FGGY: variants seen among roughly 807,000 people sequenced by gnomAD.
FGGY encodes FGGY carbohydrate kinase domain containing.
A neutral mutation model predicts 71.3 loss-of-function variants in FGGY; 72 were observed. The ratio of observed to expected loss-of-function variants is 1.01; its 90% CI spans 0.84 to 1.23. The LOEUF is 1.23. Among genes scored for constraint, FGGY ranks in the 50% most tolerant of loss-of-function variants. The pLI, the probability that FGGY is intolerant of heterozygous loss-of-function variation, is 0.00. For missense variants in FGGY, 668 were observed against 682.3 expected, an observed-to-expected ratio of 0.98 and a Z score of 0.23; for synonymous variants, 251 against 250.3, an observed-to-expected ratio of 1.00 and a Z score of -0.02.
Position 59,714,544 on chromosome 1 carries a change from T to C in FGGY, c.1512+40411T>C, listed in dbSNP as rs141424979. Among the ~76,000 whole-genome samples, 646 of 152,330 alleles carry C rather than the reference T, an allele frequency of 4.2e-3. 11 individuals are homozygous for C. Among genetic ancestry groups the C allele is most frequent in the African/African-American group, 0.015 (618 of 41,582 alleles). ...TGTCTTTGGGGGATTATAGCCTAAA[T>C]GGTTTTACTCTGGCACATGTGGAAT... On this transcript the variant is annotated intron_variant, in intron 14 of 15. Coordinates refer to ENST00000303721, the MANE Select transcript of FGGY (RefSeq NM_018291.5).
intron 3 of FGGY, among the ~76,000 whole-genome samples, chr1:59,342,172 A>T (rs1348727750): frequency 1.3e-5 from 2 of 152,168 alleles, no homozygotes; most frequent in African/African-American, 4.8e-5. Flanking sequence ...CTTTTTAAAA[A>T]TTGCCAATTC....
intron 8 of FGGY, among the ~76,000 whole-genome samples, chr1:59,571,031 G>A (rs2095976484): frequency 6.6e-6 from 1 of 152,176 alleles, no homozygotes; most frequent in African/African-American, 2.4e-5. Flanking sequence ...AAAAGCACTT[G>A]TCATGGACAG....
At chr1:59,729,705 A>C (rs1303981395) in intron 14 of FGGY, among the ~76,000 whole-genome samples, 1 of 152,136 alleles carries the variant, frequency 6.6e-6, no homozygotes, top group Non-Finnish European at 1.5e-5. Flanking sequence ...TGTGGTTTTA[A>C]GGTATGGGGA....
At chr1:59,487,716 G>A (rs2093696584) in intron 6 of FGGY, among the ~76,000 whole-genome samples, 1 of 151,932 alleles carries the variant, frequency 6.6e-6, no homozygotes, top group Admixed American at 6.6e-5. Flanking sequence ...GATCTCTTTG[G>A]GGGCCTGAGG....
chr1:59,561,723 G>A (rs2095796141), intron 8 of FGGY, among the ~76,000 whole-genome samples: 1 of 152,204 alleles, frequency 6.6e-6, no homozygotes, highest in Admixed American at 6.5e-5. Flanking sequence ...TTAGGAGACT[G>A]AGGCAAAGAG....
intron 5 of FGGY, 84 bp downstream of exon 5, chr1:59,378,921 A>T: frequency 2.7e-6 from 3 of 1,125,654 alleles, no homozygotes; most frequent in Non-Finnish European, 3.9e-6. Flanking sequence ...ACTCTCTTTG[A>T]CTGGATATAC....
intron 8 of FGGY, among the ~76,000 whole-genome samples, chr1:59,584,801 T>A (rs1240516628): frequency 6.7e-6 from 1 of 150,194 alleles, no homozygotes; most frequent in Admixed American, 6.6e-5. Context: ...CTCCTTAAGC[T>A]GATAGGCAAC....
chr1:59,456,401 T>C (rs890694013), intron 5 of FGGY, among the ~76,000 whole-genome samples: 6 of 152,118 alleles, frequency 3.9e-5, no homozygotes, highest in African/African-American at 1.4e-4. Flanking sequence ...AATACGAATA[T>C]TCATATACAG....
chr1:59,647,169 G>T (rs1214072908), intron 11 of FGGY, among the ~76,000 whole-genome samples: 6 of 152,176 alleles, frequency 3.9e-5, no homozygotes, highest in African/African-American at 1.4e-4. Context: ...GAGGACCAAG[G>T]ATAGAGTCCA....
chr1:59,380,575 C>T lies in FGGY; in HGVS notation c.554+1738C>T, dbSNP rs571983733. On this transcript the variant is annotated intron_variant, in intron 5 of 15. Coordinates refer to ENST00000303721, the MANE Select transcript of FGGY (RefSeq NM_018291.5). Reference sequence around the variant, plus strand: ...TGATGAGCATTTTTTCATGTGTCTTCTGGCTGCATAAATGTCTTCTTTTGA... The same window carrying T: ...TGATGAGCATTTTTTCATGTGTCTTTTGGCTGCATAAATGTCTTCTTTTGA... 3.0e-3 allele frequency among the ~76,000 whole-genome samples: 454 copies of T among 151,676 alleles called. 3 individuals carry two copies. The highest frequency in any genetic ancestry group is 4.7e-3 in the Non-Finnish European group (317 of 68,008).
intron 13 of FGGY, among the ~76,000 whole-genome samples, chr1:59,670,630 C>T (rs759208308): frequency 1.3e-5 from 2 of 151,980 alleles, no homozygotes; most frequent in Non-Finnish European, 2.9e-5. Context: ...AAACTCTGTG[C>T]CTAGTCCAAG....
intron 14 of FGGY, among the ~76,000 whole-genome samples, chr1:59,675,061 AG>A (rs2097423019): frequency 6.6e-6 from 1 of 152,232 alleles, no homozygotes; most frequent in Non-Finnish European, 1.5e-5. Flanking sequence ...CCCATTTTAT[AG>A]TTGAGGAACC....
chr1:59,369,104 G>T (rs1348100401), intron 4 of FGGY, among the ~76,000 whole-genome samples: 3 of 152,210 alleles, frequency 2.0e-5, no homozygotes, highest in Non-Finnish European at 4.4e-5. Flanking sequence ...CCGAAGCAGG[G>T]CGAGGCATTG....
intron 8 of FGGY, among the ~76,000 whole-genome samples, chr1:59,575,312 A>G (rs568928918): frequency 6.6e-6 from 1 of 152,156 alleles, no homozygotes; most frequent in Non-Finnish European, 1.5e-5. Flanking sequence ...CTCTACTTCT[A>G]TGAGTTCAAC....
intron 6 of FGGY, among the ~76,000 whole-genome samples, chr1:59,472,388 G>GCCGGA (rs1402763659): frequency 6.6e-6 from 1 of 152,174 alleles, no homozygotes; most frequent in Non-Finnish European, 1.5e-5. Flanking sequence ...GGCTCCTGTG[G>GCCGGA]GGCCCGAGCC....
intron 7 of FGGY, among the ~76,000 whole-genome samples, chr1:59,552,094 G>A (rs2095616847): frequency 6.6e-6 from 1 of 152,196 alleles, no homozygotes; most frequent in African/African-American, 2.4e-5. Context: ...GAGGGACTAA[G>A]GAGGGAGGAG....
At position 59,504,005 on chromosome 1, in the gene FGGY, A is replaced by G. The variant is rs115974119; in HGVS notation, c.671-8306A>G. ...AATGCTACACAGAGAGGCCAAAAAA[A>G]GTCTGAGCAGATAGTCCTTGCTGGA... is the stretch of plus-strand genomic sequence containing the variant. On this transcript the variant is annotated intron_variant, in intron 6 of 15. Coordinates refer to ENST00000303721, the MANE Select transcript of FGGY (RefSeq NM_018291.5). Among the ~76,000 whole-genome samples, 493 of 152,284 alleles carry G rather than the reference A, an allele frequency of 3.2e-3. 4 individuals are homozygous for G. The highest frequency in any genetic ancestry group is 0.011 in the African/African-American group (473 of 41,556).
At chr1:59,608,064 A>G (rs907077718) in intron 9 of FGGY, among the ~76,000 whole-genome samples, 154 bp downstream of exon 9, 1 of 152,206 alleles carries the variant, frequency 6.6e-6, no homozygotes, top group African/African-American at 2.4e-5. Flanking sequence ...CATGTCATAC[A>G]CATGCAGCAT....
chr1:59,638,467 AAAAT>A lies in FGGY; in HGVS notation c.1221+96_1221+99del, dbSNP rs1275160153. On this transcript the variant is annotated intron_variant, in intron 11 of 15. Coordinates refer to ENST00000303721, the MANE Select transcript of FGGY (RefSeq NM_018291.5). ...CAAAGTGAGGAAAAAGGAAAAGAAA[AAAAT>A]AAAACAGGCCAACAGCCCTCTGGCT... 22 of 1,491,356 alleles carry A rather than the reference AAAAT, an allele frequency of 1.5e-5. No individual in the cohort carries two copies. In the African/African-American group the frequency reaches 2.8e-4, roughly 19 times the overall value. The allele number at this position is 1,491,356 out of a possible 1,614,324, so 92.4% of individuals were successfully genotyped here.
Sources: gnomAD v4.1 joint callset for allele counts (sites outside exome capture counted in the v4.1 genomes callset) on GRCh38, gnomAD v4.1.1 for gene constraint, MANE v1.5 for transcripts, NCBI Gene and HGNC (gene_info 2026-07-23, HGNC 2026-07-21) for gene names.